Variants in TEAD1 observed in about 807,000 individuals in gnomAD.
TEAD1 encodes the protein transcriptional enhancer factor TEF-1.
A neutral mutation model predicts 54.9 loss-of-function variants in TEAD1; 9 were observed. The ratio of observed to expected loss-of-function variants is 0.16; its 90% CI spans 0.10 to 0.29. The LOEUF is 0.29. Among genes scored for constraint, TEAD1 ranks in the 10% least tolerant of loss-of-function variants. The probability of loss-of-function intolerance (pLI) is 1.00; values close to 1 mark genes in which losing one functional copy is unlikely to be tolerated. For missense variants in TEAD1, 387 were observed against 535.9 expected (o/e 0.72, Z 2.74); for synonymous variants, 200 against 187.8 (o/e 1.07, Z -0.53).
intron 5 of TEAD1, among the ~76,000 whole-genome samples, chr11:12,875,364 G>T (rs964058099): frequency 6.6e-6 from 1 of 152,142 alleles, no homozygotes; most frequent in Non-Finnish European, 1.5e-5. Flanking sequence ...AAGCCAGGCA[G>T]GTATCTCTGG....
In TEAD1 at chr11:12,895,455, A is replaced by G. The variant is rs528194001; in HGVS notation, c.700-6485A>G. Among the ~76,000 whole-genome samples the G allele has an allele frequency of 1.2e-4, 19 of 152,230 alleles. No individual in the cohort carries two copies. The South Asian group carries it at 3.7e-3, about 30-fold the overall frequency. On this transcript the variant is annotated intron_variant, in intron 9 of 12. Transcript: ENST00000527636. ...TTTTGGTGAACCCTACCTGCAGACA[A>G]GCGTCCCAGCTCCTGTCCAGCTGTC...
At chr11:12,814,127 G>A (rs1013606048) in intron 3 of TEAD1, among the ~76,000 whole-genome samples, 12 of 152,146 alleles carry the variant, frequency 7.9e-5, no homozygotes, top group Non-Finnish European at 4.4e-5. Context: ...CAGGGCTGAC[G>A]TATGGGGAGG....
rs1297535190 is a variant in TEAD1 at position 12,799,685 on chromosome 11, C to G, written c.202+35251C>G. On this transcript the variant is annotated intron_variant, in intron 3 of 12. Transcript: ENST00000527636. ...GAGAGGTTAAGAGACTGAACATATC[C>G]TTAATGTGATTAGTACCTTGGAATT... Among the ~76,000 whole-genome samples the G allele has an allele frequency of 2.6e-5, 4 of 152,198 alleles. No individual in the cohort carries two copies. The East Asian group carries it at 5.8e-4, about 22-fold the overall frequency.
intron 9 of TEAD1, among the ~76,000 whole-genome samples, chr11:12,885,234 CTTTT>C (rs10549378): frequency 9.5e-5 from 10 of 105,032 alleles, no homozygotes; most frequent in Non-Finnish European, 4.1e-5. Context: ...CTTGAATTGT[CTTTT>C]TTTTTTTTTT....
chr11:12,748,518 G>T (rs113504918), intron 2 of TEAD1, among the ~76,000 whole-genome samples: 25 of 152,302 alleles, frequency 1.6e-4, no homozygotes, highest in African/African-American at 6.0e-4. Flanking sequence ...AGTGAGTGGG[G>T]ATCTGCTGAA....
intron 5 of TEAD1, chr11:12,878,806 T>C: frequency 1.2e-6 from 1 of 864,940 alleles, no homozygotes; most frequent in East Asian, 6.2e-5. Flanking sequence ...TACACATATA[T>C]ATATGTTTTT....
At chr11:12,699,021 T>C (rs964638821) in intron 2 of TEAD1, among the ~76,000 whole-genome samples, 1 of 152,226 alleles carries the variant, frequency 6.6e-6, no homozygotes, top group African/African-American at 2.4e-5. Flanking sequence ...CAGAAATTAC[T>C]GGAGAAAAGT....
chr11:12,853,785 C>G (rs1196627379), intron 3 of TEAD1, among the ~76,000 whole-genome samples: 1 of 152,192 alleles, frequency 6.6e-6, no homozygotes, highest in African/African-American at 2.4e-5. Flanking sequence ...GGAGTTGTCA[C>G]ATGATAATGT....
At chr11:12,676,613 G>A (rs1387158646) in intron 2 of TEAD1, among the ~76,000 whole-genome samples, 1 of 152,170 alleles carries the variant, frequency 6.6e-6, no homozygotes, top group African/African-American at 2.4e-5. Flanking sequence ...TCTTTAGAAG[G>A]AAATAGTAGA....
chr11:12,795,977 C>T (rs748886008), intron 3 of TEAD1, among the ~76,000 whole-genome samples: 3 of 152,108 alleles, frequency 2.0e-5, no homozygotes, highest in Non-Finnish European at 4.4e-5. Context: ...AGTTGAGGAC[C>T]ACTGTGGGGC....
At chr11:12,806,005 C>CT (rs1946164035) in intron 3 of TEAD1, among the ~76,000 whole-genome samples, 1 of 152,210 alleles carries the variant, frequency 6.6e-6, no homozygotes, top group South Asian at 2.1e-4. Flanking sequence ...AATGGCAGCA[C>CT]TTTCATGTTT....
At chr11:12,793,004 C>T (rs968817720) in intron 3 of TEAD1, among the ~76,000 whole-genome samples, 3 of 151,294 alleles carry the variant, frequency 2.0e-5, no homozygotes, top group South Asian at 2.1e-4. Context: ...GTATGCCATG[C>T]TCACACCTGT....
At chr11:12,797,115 C>A (rs11022502) in intron 3 of TEAD1, among the ~76,000 whole-genome samples, 146,520 of 152,234 alleles carry the variant, frequency 0.96, 70,796 homozygotes, top group East Asian at 1. Context: ...CATCTCAAAA[C>A]ACAAAAAACC....
At chr11:12,892,321 G>A (rs1948212999) in intron 9 of TEAD1, among the ~76,000 whole-genome samples, 1 of 152,036 alleles carries the variant, frequency 6.6e-6, no homozygotes, top group South Asian at 2.1e-4. Context: ...GTGCATGGGG[G>A]ATTAGGTTGG....
intron 3 of TEAD1, among the ~76,000 whole-genome samples, chr11:12,844,781 C>T (rs996860532): frequency 4.0e-5 from 6 of 151,858 alleles, no homozygotes; most frequent in Non-Finnish European, 7.4e-5. Flanking sequence ...GCTTACCCAA[C>T]GATTGATATG....
At chr11:12,848,119 C>G (rs190503852) in intron 3 of TEAD1, among the ~76,000 whole-genome samples, 1 of 152,156 alleles carries the variant, frequency 6.6e-6, no homozygotes, top group Non-Finnish European at 1.5e-5. Context: ...TCCATCTAAT[C>G]GTTCCGTCTT....
intron 2 of TEAD1, among the ~76,000 whole-genome samples, chr11:12,753,007 A>ATT (rs1276478132): frequency 2.2e-4 from 30 of 138,094 alleles, no homozygotes; most frequent in African/African-American, 4.0e-4. Flanking sequence ...CACCCAGCTA[A>ATT]TTTTTTTTTT....
chr11:12,718,460 AT>A (rs1944111174), intron 2 of TEAD1, among the ~76,000 whole-genome samples: 1 of 152,286 alleles, frequency 6.6e-6, no homozygotes, highest in East Asian at 1.9e-4. Flanking sequence ...CATCTTCCTC[AT>A]TATGTTCTTG....
intron 10 of TEAD1, among the ~76,000 whole-genome samples, chr11:12,910,900 C>A (rs185603513): frequency 2.2e-4 from 34 of 152,232 alleles, no homozygotes; most frequent in Non-Finnish European, 2.9e-4. Flanking sequence ...GCACCTGCCA[C>A]TGTGCCCAGC....
Sources: gnomAD v4.1 joint callset for allele counts (sites outside exome capture counted in the v4.1 genomes callset) on GRCh38, gnomAD v4.1.1 for gene constraint, MANE v1.5 for transcripts, NCBI Gene and HGNC (gene_info 2026-07-23, HGNC 2026-07-21) for gene names.